RAP1GDS1: variants seen among roughly 807,000 people sequenced by gnomAD.
RAP1GDS1 encodes Rap1 GTPase-GDP dissociation stimulator 1, also known as RAP1, GTP-GDP dissociation stimulator 1.
Under a neutral mutation model 71.1 loss-of-function variants are expected in RAP1GDS1, and 35 were observed. The observed-to-expected ratio is 0.49, with a 90% CI of 0.38 to 0.65. RAP1GDS1 has a LOEUF of 0.65. Ranked by LOEUF, RAP1GDS1 falls within the 30% of genes least tolerant of loss-of-function variation. The pLI is 0.00. For synonymous variants in RAP1GDS1, 229 were observed against 243.1 expected (o/e 0.94, Z 0.54); for missense variants, 663 against 706.1 (o/e 0.94, Z 0.69).
chr4:98,395,306 C>G (rs374975389), intron 6 of RAP1GDS1, among the ~76,000 whole-genome samples: 1 of 152,236 alleles, frequency 6.6e-6, no homozygotes, highest in East Asian at 1.9e-4. Context: ...AGTCATTAGG[C>G]AATTAAAAAT....
At chr4:98,280,992 A>G (rs1429353554) in intron 1 of RAP1GDS1, among the ~76,000 whole-genome samples, 2 of 152,204 alleles carry the variant, frequency 1.3e-5, no homozygotes, top group Admixed American at 6.5e-5. Context: ...TACCAGTACC[A>G]TGCTGTTTTG....
intron 5 of RAP1GDS1, among the ~76,000 whole-genome samples, chr4:98,381,261 A>G (rs1450255523): frequency 6.6e-6 from 1 of 151,604 alleles, no homozygotes; most frequent in Non-Finnish European, 1.5e-5. Flanking sequence ...CGAATAAAAA[A>G]GACATAATCT....
At chr4:98,291,664 G>A (rs1423926711) in intron 1 of RAP1GDS1, among the ~76,000 whole-genome samples, 2 of 151,988 alleles carry the variant, frequency 1.3e-5, no homozygotes, top group Non-Finnish European at 2.9e-5. Flanking sequence ...AGTCACAATG[G>A]GATTACTAGT....
intron 7 of RAP1GDS1, among the ~76,000 whole-genome samples, chr4:98,412,780 A>G (rs902030742): frequency 2.6e-5 from 4 of 152,114 alleles, no homozygotes; most frequent in Admixed American, 2.6e-4. Context: ...GACATCACAT[A>G]TCGGTAGGTC....
intron 6 of RAP1GDS1, among the ~76,000 whole-genome samples, chr4:98,398,691 T>G (rs1159086857): frequency 6.6e-6 from 1 of 152,070 alleles, no homozygotes; most frequent in Non-Finnish European, 1.5e-5. Context: ...ACCTACAGAC[T>G]CCACCAAAAA....
intron 3 of RAP1GDS1, among the ~76,000 whole-genome samples, chr4:98,347,565 T>C (rs921833880): frequency 6.6e-6 from 1 of 152,186 alleles, no homozygotes; most frequent in Non-Finnish European, 1.5e-5. Context: ...AATACACATA[T>C]ACAGAAACAC....
intron 3 of RAP1GDS1, among the ~76,000 whole-genome samples, chr4:98,350,179 TAAAAG>T (rs1736955259): frequency 6.6e-6 from 1 of 152,158 alleles, no homozygotes; most frequent in Non-Finnish European, 1.5e-5. Flanking sequence ...AGGCAAAACA[TAAAAG>T]AAACACAGTA....
At chr4:98,342,842 C>G (rs1735684312) in intron 2 of RAP1GDS1, among the ~76,000 whole-genome samples, 1 of 152,068 alleles carries the variant, frequency 6.6e-6, no homozygotes, top group Non-Finnish European at 1.5e-5. Context: ...AGGGTTAGAA[C>G]TAACATTGAG....
At position 98,321,115 on chromosome 4, in the gene RAP1GDS1, G is replaced by A. The variant is rs1384309806; in HGVS notation, c.113-22024G>A. On this transcript the variant is annotated intron_variant, in intron 2 of 14. Coordinates refer to ENST00000408927, the MANE Select transcript of RAP1GDS1 (RefSeq NM_001100427.2). ...CTGAAAACCAAGGCTCGAGAACTAC[G>A]TGAAGAATGCAGAAGCCTCAGGAGC... Among the ~76,000 whole-genome samples the A allele has an allele frequency of 2.5e-4, 36 of 144,752 alleles. No individual in the cohort carries two copies. The East Asian group carries it at 4.4e-3, about 18-fold the overall frequency. 95.0% of individuals were successfully genotyped at this position (144,752 alleles called of 152,430 possible).
intron 4 of RAP1GDS1, among the ~76,000 whole-genome samples, chr4:98,368,718 A>C (rs1739902754): frequency 6.6e-6 from 1 of 152,174 alleles, no homozygotes; most frequent in South Asian, 2.1e-4. Context: ...TAGAAAAGTT[A>C]TACATTTAAA....
At chr4:98,330,987 C>T (rs1733921839) in intron 2 of RAP1GDS1, among the ~76,000 whole-genome samples, 1 of 152,150 alleles carries the variant, frequency 6.6e-6, no homozygotes, top group African/African-American at 2.4e-5. Context: ...GATCACGCCA[C>T]TGCACTCCAG....
intron 5 of RAP1GDS1, chr4:98,387,453 T>A (rs1463625276): frequency 6.6e-6 from 3 of 456,004 alleles, no homozygotes; most frequent in Non-Finnish European, 1.3e-5. Flanking sequence ...TTCTTTGGAG[T>A]TTCCATGAGT....
intron 7 of RAP1GDS1, among the ~76,000 whole-genome samples, chr4:98,411,650 C>G (rs1747075670): frequency 6.6e-6 from 1 of 152,108 alleles, no homozygotes; most frequent in Non-Finnish European, 1.5e-5. Flanking sequence ...TTCAAAATAA[C>G]AATGTGTTGA....
intron 2 of RAP1GDS1, among the ~76,000 whole-genome samples, chr4:98,335,932 T>G (rs1252166258): frequency 6.6e-6 from 1 of 152,148 alleles, no homozygotes; most frequent in Admixed American, 6.5e-5. Context: ...GATGCCCTAT[T>G]AAGAAGTGAC....
At chr4:98,363,478 CAAAAA>C (rs34393905) in intron 4 of RAP1GDS1, among the ~76,000 whole-genome samples, 13 of 37,730 alleles carry the variant, frequency 3.4e-4, no homozygotes, top group African/African-American at 1.1e-3. Context: ...GACCCTGTCT[CAAAAA>C]AAAAAAAAAA....
At chr4:98,388,658 G>A (rs1377187617) in intron 5 of RAP1GDS1, among the ~76,000 whole-genome samples, 1 of 152,154 alleles carries the variant, frequency 6.6e-6, no homozygotes, top group Non-Finnish European at 1.5e-5. Flanking sequence ...CCTGGGAGGC[G>A]GAGGTTGCAG....
At chr4:98,281,592 C>T (rs1725112091) in intron 1 of RAP1GDS1, among the ~76,000 whole-genome samples, 1 of 152,084 alleles carries the variant, frequency 6.6e-6, no homozygotes, top group Non-Finnish European at 1.5e-5. Context: ...TAATTGAATA[C>T]CCTTTATTTC....
chr4:98,274,744 G>C (rs1723960230), intron 1 of RAP1GDS1, among the ~76,000 whole-genome samples: 1 of 152,084 alleles, frequency 6.6e-6, no homozygotes, highest in Non-Finnish European at 1.5e-5. Context: ...GACTTCTTGA[G>C]AAAAAACTAA....
intron 2 of RAP1GDS1, among the ~76,000 whole-genome samples, chr4:98,297,687 A>T (rs951106059): frequency 6.6e-6 from 1 of 151,992 alleles, no homozygotes; most frequent in Non-Finnish European, 1.5e-5. Flanking sequence ...CCCCATCTCT[A>T]TTCCTCTCCT....
Sources: gnomAD v4.1 joint callset for allele counts (sites outside exome capture counted in the v4.1 genomes callset) on GRCh38, gnomAD v4.1.1 for gene constraint, MANE v1.5 for transcripts, NCBI Gene and HGNC (gene_info 2026-07-23, HGNC 2026-07-21) for gene names.